MAPK8IP3: variants seen among roughly 807,000 people sequenced by gnomAD.
MAPK8IP3 encodes mitogen-activated protein kinase 8 interacting protein 3, also known as C-Jun-amino-terminal kinase-interacting protein 3.
In MAPK8IP3, 49 loss-of-function variants were observed where a neutral mutation model predicts 157.8. That is an observed-to-expected ratio of 0.31 (90% CI 0.25 to 0.39). The LOEUF (loss-of-function observed/expected upper bound fraction) is 0.39, where lower values mean the gene tolerates loss of function less well. MAPK8IP3 is among the 10% of genes least tolerant of loss of function. The pLI, the probability that MAPK8IP3 is intolerant of heterozygous loss-of-function variation, is 1.00. For synonymous variants in MAPK8IP3, 897 were observed against 777.7 expected, an observed-to-expected ratio of 1.15 and a Z score of -2.55; for missense variants, 1,478 against 1,889.4, an observed-to-expected ratio of 0.78 and a Z score of 4.04.
rs865793723 is a variant in MAPK8IP3 at position 1,742,369 on chromosome 16, G to A, written c.603-963G>A. Among the ~76,000 whole-genome samples the A allele has an allele frequency of 6.6e-5, 10 of 152,132 alleles. No homozygotes were observed. The highest frequency in any genetic ancestry group is 2.4e-4 in the African/African-American group (10 of 41,432). ...GTCCTGACAGCTCCAGCTCCCAGGC[G>A]CTCCCACTGTCTTGCCAGGCTGTCC... On this transcript the variant is annotated intron_variant, in intron 4 of 31. Transcript: ENST00000610761. This position sits in a 1 kb window ranked among gnomAD's most constrained non-coding sequence, Gnocchi z 5.0.
At chr16:1,764,537 G>A (rs2042145498) in intron 19 of MAPK8IP3, 78 bp downstream of exon 19, 26 of 1,534,298 alleles carry the variant, frequency 1.7e-5, no homozygotes, top group African/African-American at 2.7e-5. Context: ...TGCTGGGAGT[G>A]AGACACAGGA....
In MAPK8IP3 at chr16:1,768,695, GC is replaced by G. The variant is rs745892939; in HGVS notation, c.3893-5del. 6.8e-6 allele frequency: 11 copies of G among 1,611,954 alleles called. No individual in the cohort carries two copies. The highest frequency in any genetic ancestry group is 9.3e-6 in the Non-Finnish European group (11 of 1,179,382). On this transcript the variant is annotated splice_polypyrimidine_tract_variant and splice_region_variant and intron_variant, in intron 31 of 31. Transcript: ENST00000610761. ...AGCCTGGCCGTCACTCTGCTGCTTT[GC>G]CCGCAGGAGACGGAGAGGACGACGA...
In MAPK8IP3 at chr16:1,768,050, GCTCCT is replaced by G; in HGVS notation, c.3524-17_3524-13del. On this transcript the variant is annotated splice_polypyrimidine_tract_variant and intron_variant, in intron 28 of 31. Transcript: ENST00000610761. ...GCTGACCGCTCTCCTCTTCTCCCAT[GCTCCT>G]CCCATGTCCCCAGCTGTGGTCCTGC... The G allele has an allele frequency of 6.2e-7, 1 of 1,612,266 alleles. No individual in the cohort carries two copies. Among genetic ancestry groups the G allele is most frequent in the Non-Finnish European group, 8.5e-7 (1 of 1,179,968 alleles).
chr16:1,764,999 G>C lies in MAPK8IP3; in HGVS notation c.2281-14G>C. 6.3e-7 allele frequency: 1 copy of C among 1,594,378 alleles called. No individual in the cohort carries two copies. The highest frequency in any genetic ancestry group is 1.1e-5 in the South Asian group (1 of 90,468). On this transcript the variant is annotated splice_polypyrimidine_tract_variant and intron_variant, in intron 19 of 31. Coordinates refer to ENST00000610761, the MANE Select transcript of MAPK8IP3 (RefSeq NM_001318852.2). ...AAGCTCGGGCTCTGACCTTGATCCC[G>C]TGCCCTGAAACAGGCCAAGGAGCTC... is the stretch of plus-strand genomic sequence containing the variant.
chr16:1,718,046 G>T (rs905357786), intron 1 of MAPK8IP3, among the ~76,000 whole-genome samples: 3 of 151,500 alleles, frequency 2.0e-5, no homozygotes, highest in Non-Finnish European at 4.4e-5. Context: ...GTAGAGATGG[G>T]GTTTCACCTT....
At chr16:1,732,921 G>C (rs2039411922) in intron 4 of MAPK8IP3, among the ~76,000 whole-genome samples, 1 of 152,238 alleles carries the variant, frequency 6.6e-6, no homozygotes, top group African/African-American at 2.4e-5. Flanking sequence ...ATGCCAGCTT[G>C]GCAAGCTGTG....
Position 1,729,597 on chromosome 16 carries a change from G to C in MAPK8IP3, c.602+19G>C, listed in dbSNP as rs751887466. On this transcript the variant is annotated intron_variant, in intron 4 of 31. Transcript: ENST00000610761. ...GGCGGAGGTACGCGGGGCGCGGCGG[G>C]GTGGAGGTACGCGGGGCGCGGCGGG... 1 of 1,575,744 alleles carries C rather than the reference G, an allele frequency of 6.3e-7. No homozygotes were observed. Among genetic ancestry groups the C allele is most frequent in the African/African-American group, 1.3e-5 (1 of 74,310 alleles).
Position 1,767,620 on chromosome 16 carries a change from C to T in MAPK8IP3, c.3294C>T (p.Ile1098=), listed in dbSNP as rs756427514. 8 of 1,612,418 alleles carry T rather than the reference C, an allele frequency of 5.0e-6. No homozygotes were observed. Among genetic ancestry groups the T allele is most frequent in the South Asian group, 2.2e-5 (2 of 91,074 alleles). The part of the protein sequence containing the change: ...RESQVRQLAW[I]GDGVWVSIRL... Reference sequence around the variant, plus strand: ...GCCAGGTGCGGCAGCTGGCGTGGATCGGCGATGGCGTATGGGTGTCCATCC... The same window carrying T: ...GCCAGGTGCGGCAGCTGGCGTGGATTGGCGATGGCGTATGGGTGTCCATCC... The change falls in exon 27 of 32, where the codon ATC becomes ATT. Residue 1098 remains isoleucine (I), a synonymous_variant. Transcript: ENST00000610761.
rs1444366897 is a variant in MAPK8IP3 at position 1,768,814 on chromosome 16, C to T, written c.4004C>T (p.Thr1335Ile). 3 of 1,612,318 alleles carry T rather than the reference C, an allele frequency of 1.9e-6. No individual in the cohort carries two copies. Among genetic ancestry groups the T allele is most frequent in the Non-Finnish European group, 2.5e-6 (3 of 1,179,766 alleles). ...ATCATCGTGTGGCAGGTGTCCTACA[C>T]CCCCGAGTGAAGCTGCTGCCCTGCC... ...SHIIVWQVSY[T>I]PE Residue 1335 changes from threonine to isoleucine, a missense_variant, in exon 32 of 32, where the codon ACC (threonine) becomes ATC (isoleucine). By Grantham distance (89) the Thr-to-Ile change is moderately conservative (BLOSUM62 -1). Around this residue, in one of 11 missense-constraint regions of MAPK8IP3, gnomAD observed 133 missense variants for 133.4 expected, o/e 1.00. Coordinates refer to ENST00000610761, the MANE Select transcript of MAPK8IP3 (RefSeq NM_001318852.2).
At chr16:1,712,096 C>T (rs1460137065) in intron 1 of MAPK8IP3, among the ~76,000 whole-genome samples, 3 of 109,870 alleles carry the variant, frequency 2.7e-5, no homozygotes, top group Non-Finnish European at 3.4e-5. Context: ...GAGTCTCGCT[C>T]TGTCACCCAT....
In MAPK8IP3 at chr16:1,748,361, C is replaced by A; in HGVS notation, c.1097+15C>A. 1 of 1,608,090 alleles carries A rather than the reference C, an allele frequency of 6.2e-7. No homozygotes were observed. Among genetic ancestry groups the A allele is most frequent in the South Asian group, 1.1e-5 (1 of 90,958 alleles). On this transcript the variant is annotated intron_variant, in intron 7 of 31. Transcript: ENST00000610761. ...ACAGGAAGCAGGTACTGGCTCAGCCCAGGCCCTGGGGTCCTGGGGGCTCAG... is the reference window on the plus strand; with the variant it reads ...ACAGGAAGCAGGTACTGGCTCAGCCAAGGCCCTGGGGTCCTGGGGGCTCAG...
At chr16:1,756,679 G>A (rs576783710) in intron 8 of MAPK8IP3, among the ~76,000 whole-genome samples, 3 of 148,096 alleles carry the variant, frequency 2.0e-5, no homozygotes, top group East Asian at 4.0e-4. Context: ...CAAATTAGCC[G>A]GGCGTGGTGG....
At chr16:1,752,534 G>T (rs749720769) in intron 8 of MAPK8IP3, 211 of 346,078 alleles carry the variant, frequency 6.1e-4, no homozygotes, top group Non-Finnish European at 1.1e-3. Context: ...CCTGCGCCTA[G>T]GAGTTCAAGA....
rs2040727819 is a variant in MAPK8IP3, at chr16:1,742,268, C to T, written c.603-1064C>T. ...AGGACGTAAAGGGAGACCTTGGGCT[C>T]CATCCCTGCTCTTGCTTATGGCCCA... On this transcript the variant is annotated intron_variant, in intron 4 of 31. Transcript: ENST00000610761. This position sits in a 1 kb window ranked among gnomAD's most constrained non-coding sequence, Gnocchi z 5.0. Among the ~76,000 whole-genome samples, 1 of 152,180 alleles carries T rather than the reference C, an allele frequency of 6.6e-6. No individual in the cohort carries two copies. The highest frequency in any genetic ancestry group is 2.4e-5 in the African/African-American group (1 of 41,430).
intron 9 of MAPK8IP3, among the ~76,000 whole-genome samples, chr16:1,758,531 G>T (rs1452859882): frequency 2.0e-5 from 3 of 152,176 alleles, no homozygotes; most frequent in Non-Finnish European, 4.4e-5. Context: ...ACGAAGCCCA[G>T]CCCGGGGTCC....
At chr16:1,722,408 A>G (rs1168617919) in intron 1 of MAPK8IP3, among the ~76,000 whole-genome samples, 1 of 152,198 alleles carries the variant, frequency 6.6e-6, no homozygotes, top group Non-Finnish European at 1.5e-5. Context: ...AGCTGCTGCT[A>G]TAGGAAGAAG....
In MAPK8IP3 at chr16:1,747,099, A is replaced by G. The variant is rs756044583; in HGVS notation, c.818A>G (p.Lys273Arg). The change falls in exon 6 of 32, where the codon AAG becomes AGG. Residue 273 changes from lysine to arginine, a missense_variant. By Grantham distance (26) the Lys-to-Arg change is conservative. Coordinates refer to ENST00000610761, the MANE Select transcript of MAPK8IP3 (RefSeq NM_001318852.2). ...AAATPSTTGT[K>R]SNTPTSSVPS... ...GCCACACCCAGCACCACAGGCACCA[A>G]GTCCAACACGCCCACATCCTCCGTG... 6.2e-7 allele frequency: 1 copy of G among 1,613,774 alleles called. No individual in the cohort carries two copies.
intron 17 of MAPK8IP3, 106 bp from the exon 18 acceptor site, chr16:1,764,009 G>C (rs1034258399): frequency 1.6e-6 from 2 of 1,215,264 alleles, no homozygotes; most frequent in African/African-American, 3.0e-5. Flanking sequence ...CTCCAGTCTT[G>C]AAGTGGCTGT....
intron 5 of MAPK8IP3, chr16:1,744,999 G>A (rs1195527386): frequency 3.0e-6 from 3 of 985,138 alleles, no homozygotes; most frequent in Non-Finnish European, 3.6e-6. Flanking sequence ...AACAGTTGTG[G>A]CTACTCATGG....
Sources: gnomAD v4.1 joint callset for allele counts (sites outside exome capture counted in the v4.1 genomes callset) on GRCh38, gnomAD v4.1.1 for gene constraint, gnomAD v4.1.1 regional missense constraint, Gnocchi (gnomAD v3.1) non-coding constraint, MANE v1.5 for transcripts, NCBI Gene and HGNC (gene_info 2026-07-23, HGNC 2026-07-21) for gene names.